The following PDE7A variants were observed in gnomAD, a reference collection of about 807,000 sequenced individuals.
PDE7A encodes the protein high affinity 3',5'-cyclic-AMP phosphodiesterase 7A.
In PDE7A, 39 loss-of-function variants were observed where a neutral mutation model predicts 64.3. That is an observed-to-expected ratio of 0.61 (90% CI 0.47 to 0.79). The LOEUF (loss-of-function observed/expected upper bound fraction) is 0.79. Ranked by LOEUF, PDE7A falls within the 30% of genes least tolerant of loss-of-function variation. PDE7A has a pLI of 0.00. For missense variants in PDE7A, 470 were observed against 582.8 expected (o/e 0.81, Z 1.99); for synonymous variants, 203 against 206.8 (o/e 0.98, Z 0.16).
At chr8:65,743,571 G>A (rs1405220208) in intron 5 of PDE7A, among the ~76,000 whole-genome samples, 1 of 152,226 alleles carries the variant, frequency 6.6e-6, no homozygotes, top group East Asian at 1.9e-4. Flanking sequence ...AGAAGGTATA[G>A]ACAAAGGTAT....
chr8:65,762,591 TTAAA>T (rs1808556556), intron 3 of PDE7A, among the ~76,000 whole-genome samples: 2 of 152,178 alleles, frequency 1.3e-5, no homozygotes, highest in Admixed American at 1.3e-4. Context: ...CACAAGACTG[TTAAA>T]GATTAAATGA....
At chr8:65,810,104 C>T (rs1171515461) in intron 1 of PDE7A, among the ~76,000 whole-genome samples, 1 of 152,124 alleles carries the variant, frequency 6.6e-6, no homozygotes, top group East Asian at 1.9e-4. Flanking sequence ...ACCCAAATGT[C>T]CATCAATGAT....
At chr8:65,808,020 C>A (rs1480536011) in intron 1 of PDE7A, among the ~76,000 whole-genome samples, 1 of 152,220 alleles carries the variant, frequency 6.6e-6, no homozygotes, top group East Asian at 1.9e-4. Flanking sequence ...CCTGCTCACA[C>A]TGTTTCAGGA....
At chr8:65,733,855 T>A (rs909030843) in intron 7 of PDE7A, among the ~76,000 whole-genome samples, 1 of 152,160 alleles carries the variant, frequency 6.6e-6, no homozygotes, top group African/African-American at 2.4e-5. Flanking sequence ...AGTTTGGTCA[T>A]CCTGTTTCCC....
intron 1 of PDE7A, among the ~76,000 whole-genome samples, chr8:65,797,680 C>G (rs1156983760): frequency 1.3e-5 from 2 of 152,122 alleles, no homozygotes; most frequent in Non-Finnish European, 2.9e-5. Context: ...TCAATGCAGT[C>G]TCAAAATCCC....
intron 6 of PDE7A, among the ~76,000 whole-genome samples, chr8:65,735,824 C>T (rs950965113): frequency 2.0e-5 from 3 of 152,084 alleles, no homozygotes; most frequent in Non-Finnish European, 2.9e-5. Flanking sequence ...GGGGTTTCAC[C>T]ATGTTGGCCA....
intron 1 of PDE7A, chr8:65,789,153 T>C: frequency 1.1e-6 from 1 of 946,056 alleles, no homozygotes; most frequent in Non-Finnish European, 1.4e-6. Context: ...GCATGCTTCA[T>C]GCCACAACCG....
At chr8:65,724,202 G>T in intron 11 of PDE7A, 53 bp downstream of exon 11, 1 of 1,146,568 alleles carries the variant, frequency 8.7e-7, no homozygotes, top group Admixed American at 1.7e-5. Context: ...TTCTTACGAT[G>T]TTAAAAAAAA....
At chr8:65,803,136 A>G (rs1425814711) in intron 1 of PDE7A, among the ~76,000 whole-genome samples, 1 of 152,194 alleles carries the variant, frequency 6.6e-6, no homozygotes, top group Admixed American at 6.5e-5. Context: ...ACTCAGACTC[A>G]GGTATTTCTT....
chr8:65,814,823 G>A (rs1424673113), intron 1 of PDE7A, among the ~76,000 whole-genome samples: 1 of 152,060 alleles, frequency 6.6e-6, no homozygotes, highest in Non-Finnish European at 1.5e-5. Context: ...TGACCAACAT[G>A]TAATCCCAGC....
chr8:65,721,543 C>T (rs1335141361), intron 12 of PDE7A, among the ~76,000 whole-genome samples: 1 of 152,126 alleles, frequency 6.6e-6, no homozygotes, highest in African/African-American at 2.4e-5. Context: ...TCAACAATCA[C>T]CATCAGATCA....
chr8:65,833,692 G>A (rs555564983), intron 1 of PDE7A, among the ~76,000 whole-genome samples: 4 of 152,200 alleles, frequency 2.6e-5, no homozygotes, highest in Non-Finnish European at 5.9e-5. Flanking sequence ...GGCCAGGCAC[G>A]GTGGCTCATG....
intron 3 of PDE7A, among the ~76,000 whole-genome samples, chr8:65,765,077 T>C (rs531669403): frequency 1.4e-3 from 206 of 152,092 alleles, no homozygotes; most frequent in Non-Finnish European, 2.4e-3. Context: ...AATAAAAAGA[T>C]GAATAAAACT....
At chr8:65,753,627 TG>T (rs943256361) in intron 3 of PDE7A, among the ~76,000 whole-genome samples, 1 of 152,170 alleles carries the variant, frequency 6.6e-6, no homozygotes, top group African/African-American at 2.4e-5. Flanking sequence ...GAGTACTCTG[TG>T]TCTGTTACCT....
At chr8:65,751,562 G>A (rs965502126) in intron 3 of PDE7A, among the ~76,000 whole-genome samples, 11 of 151,622 alleles carry the variant, frequency 7.3e-5, no homozygotes, top group South Asian at 2.1e-4. Context: ...GTGCGATATC[G>A]GCTCACCGCA....
At chr8:65,808,333 TTAC>T (rs1422220897) in intron 1 of PDE7A, among the ~76,000 whole-genome samples, 3 of 152,208 alleles carry the variant, frequency 2.0e-5, no homozygotes, top group African/African-American at 7.2e-5. Flanking sequence ...AATGAATAAG[TTAC>T]TACAATAAGA....
intron 3 of PDE7A, among the ~76,000 whole-genome samples, chr8:65,775,117 AT>A (rs1286773269): frequency 2.0e-5 from 3 of 152,026 alleles, no homozygotes; most frequent in Non-Finnish European, 4.4e-5. Context: ...CGATTCTTAT[AT>A]TTTCTCTTTA....
intron 3 of PDE7A, among the ~76,000 whole-genome samples, chr8:65,761,761 T>C (rs1448412672): frequency 6.6e-6 from 1 of 152,202 alleles, no homozygotes; most frequent in Non-Finnish European, 1.5e-5. Context: ...AAAAGTGGGA[T>C]AGCAGACGAA....
chr8:65,784,802 A>G (rs1346899010), intron 1 of PDE7A, among the ~76,000 whole-genome samples: 1 of 152,170 alleles, frequency 6.6e-6, no homozygotes, highest in Non-Finnish European at 1.5e-5. Flanking sequence ...CAGGTAGGAC[A>G]TAAATATACT....
Sources: allele counts gnomAD v4.1 joint callset (sites outside exome capture counted in the v4.1 genomes callset), GRCh38; gene constraint gnomAD v4.1.1; transcripts MANE v1.5; gene names NCBI Gene and HGNC (gene_info 2026-07-23, HGNC 2026-07-21).